The following RAB17 variants were observed in gnomAD, a reference collection of about 807,000 sequenced individuals.
RAB17 encodes ras-related protein Rab-17.
A neutral mutation model predicts 19.3 loss-of-function variants in RAB17; 15 were observed. The ratio of observed to expected loss-of-function variants is 0.78; its 90% CI spans 0.52 to 1.20. RAB17 has a LOEUF of 1.20. Ranked by LOEUF, RAB17 falls within the 50% of genes most tolerant of loss-of-function variation. The pLI, the probability that RAB17 is intolerant of heterozygous loss-of-function variation, is 0.00. For missense variants in RAB17, 262 were observed against 269.3 expected (o/e 0.97, Z 0.19); for synonymous variants, 110 against 112.8 (o/e 0.97, Z 0.16).
chr2:237,586,030 T>C lies in RAB17; in HGVS notation c.125A>G (p.Asn42Ser). 1.2e-6 allele frequency: 2 copies of C among 1,612,704 alleles called. No individual in the cohort carries two copies. The highest frequency in any genetic ancestry group is 4.5e-5 in the East Asian group (2 of 44,770). ...KSSLALRYVK[N>S]DFKSILPTVG... ...CGTAGGCAGGATACTCTTGAAGTCG[T>C]TCTTCACGTACCGAAGAGCCAAGCT... is the stretch of plus-strand genomic sequence containing the variant. The change falls in exon 2 of 6, where the codon AAC becomes AGC. Residue 42 changes from asparagine (N) to serine (S), a missense_variant. Coordinates refer to ENST00000264601, the MANE Select transcript of RAB17 (RefSeq NM_022449.4).
chr2:237,575,296 T>C, intron 5 of RAB17, 91 bp downstream of exon 5: 1 of 1,145,226 alleles, frequency 8.7e-7, no homozygotes, highest in Non-Finnish European at 1.3e-6. Context: ...AGACATTCTA[T>C]GGGATACCAC....
intron 2 of RAB17, among the ~76,000 whole-genome samples, chr2:237,584,604 T>A (rs1274194869): frequency 6.6e-6 from 1 of 152,158 alleles, no homozygotes; most frequent in Admixed American, 6.5e-5. Context: ...AGAGCCACAG[T>A]GTGCAGACCT....
At chr2:237,577,731 A>G in intron 3 of RAB17, 1 of 481,160 alleles carries the variant, frequency 2.1e-6, no homozygotes, top group East Asian at 3.4e-5. Context: ...AGTCTGGGGG[A>G]CTGGCCACCA....
At position 237,574,401 on chromosome 2, in the gene RAB17, G is replaced by A. The variant is rs1047791; in HGVS notation, c.*618C>T. ...CTTATATCTCAGGCGAAATGTCTCA[G>A]AATCTTCCTGCTCATTGGACAGAAA... On this transcript the variant is annotated 3_prime_UTR_variant, in exon 6 of 6. Coordinates refer to ENST00000264601, the MANE Select transcript of RAB17 (RefSeq NM_022449.4). 6 of 1,537,430 alleles carry A rather than the reference G, an allele frequency of 3.9e-6. No homozygotes were observed. The highest frequency in any genetic ancestry group is 5.3e-6 in the Non-Finnish European group (6 of 1,139,354).
At position 237,577,256 on chromosome 2, in the gene RAB17, C is replaced by T. The variant is rs1258564717; in HGVS notation, c.435+1G>A. The T allele has an allele frequency of 1.2e-6, 2 of 1,612,050 alleles. No homozygotes were observed. The highest frequency in any genetic ancestry group is 1.7e-5 in the Admixed American group (1 of 59,928). On this transcript the variant is annotated splice_donor_variant, in intron 4 of 5. Transcript: ENST00000264601. LOFTEE classifies it high-confidence loss of function. The stretch of plus-strand genomic sequence containing the variant: ...GCAGAGCAGGGTCTCCTGGGCGGTA[C>T]CTGGAAGGTCACCTCCCGCTCCTGG...
Position 237,577,189 on chromosome 2 carries a change from G to A in RAB17, c.435+68C>T, listed in dbSNP as rs2081271972. ...CGTGTATGAAAGTGTGAGTGCCAAG[G>A]TCTTGACACAGGCGGGCAGGGCTCT... On this transcript the variant is annotated intron_variant, in intron 4 of 5. Coordinates refer to ENST00000264601, the MANE Select transcript of RAB17 (RefSeq NM_022449.4). 1.9e-6 allele frequency: 3 copies of A among 1,552,198 alleles called. 1 individual carries two copies. The highest frequency in any genetic ancestry group is 2.4e-5 in the South Asian group (2 of 82,740).
At chr2:237,586,284 C>T (rs575856805) in intron 1 of RAB17, 127 bp from the exon 2 acceptor site, 18 of 839,864 alleles carry the variant, frequency 2.1e-5, no homozygotes, top group Middle Eastern at 7.5e-4. Flanking sequence ...AACTCAGAGG[C>T]CACCTAGGTC....
Position 237,575,141 on chromosome 2 carries a change from AGAG to A in RAB17, c.530-16_530-14del, listed in dbSNP as rs1360389876. ...AGTAGCTCTTGGGCTGTGAACAGCA[AGAG>A]GAGGGGGCTGGCTAGGGAGGGAAGT... On this transcript the variant is annotated splice_polypyrimidine_tract_variant and intron_variant, in intron 5 of 5. Coordinates refer to ENST00000264601, the MANE Select transcript of RAB17 (RefSeq NM_022449.4). 7 of 1,606,460 alleles carry A rather than the reference AGAG, an allele frequency of 4.4e-6. No individual in the cohort carries two copies. The African/African-American group carries it at 8.1e-5, about 18-fold the overall frequency.
chr2:237,579,957 A>G (rs1408582102), intron 2 of RAB17, among the ~76,000 whole-genome samples: 1 of 152,256 alleles, frequency 6.6e-6, no homozygotes, highest in African/African-American at 2.4e-5. Flanking sequence ...CAGTAGGACC[A>G]GTGATTTCCA....
At chr2:237,576,309 C>T (rs771177219) in intron 4 of RAB17, among the ~76,000 whole-genome samples, 7 of 152,198 alleles carry the variant, frequency 4.6e-5, no homozygotes, top group Non-Finnish European at 8.8e-5. Flanking sequence ...TCCAAACCCA[C>T]CCTGGCCGCC....
intron 2 of RAB17, among the ~76,000 whole-genome samples, chr2:237,582,053 C>T (rs891930443): frequency 2.0e-5 from 3 of 152,268 alleles, no homozygotes; most frequent in Non-Finnish European, 4.4e-5. Flanking sequence ...CAGGCCCTGG[C>T]GGGGGTGGGC....
chr2:237,576,794 AG>A (rs1249450234), intron 4 of RAB17: 2 of 463,518 alleles, frequency 4.3e-6, no homozygotes, highest in East Asian at 1.4e-4. Flanking sequence ...ACTCGAGTGA[AG>A]GAGGCTACAT....
chr2:237,589,301 C>T (rs2081374764), intron 1 of RAB17, among the ~76,000 whole-genome samples: 1 of 152,034 alleles, frequency 6.6e-6, no homozygotes, highest in African/African-American at 2.4e-5. Context: ...CCCCGTAATA[C>T]AACCACAAAT....
At chr2:237,590,253 C>T (rs577938912) in intron 1 of RAB17, among the ~76,000 whole-genome samples, 24 of 152,122 alleles carry the variant, frequency 1.6e-4, no homozygotes, top group Non-Finnish European at 3.1e-4. Flanking sequence ...CTTAGTGAGC[C>T]ATCAGAAATC....
rs140150815 is a variant in RAB17, at chr2:237,575,357, C to G, written c.529+30G>C. 53 of 1,562,700 alleles carry G rather than the reference C, an allele frequency of 3.4e-5. No individual in the cohort carries two copies. In the East Asian group the frequency reaches 1.2e-3, roughly 35 times the overall value. On this transcript the variant is annotated intron_variant, in intron 5 of 5. Transcript: ENST00000264601. ...AGTTGGTCAGGGACAAGCACCTCCCCCTTGTCTGGCCCACGGGGACGTGAC... is the reference window on the plus strand; with the variant it reads ...AGTTGGTCAGGGACAAGCACCTCCCGCTTGTCTGGCCCACGGGGACGTGAC...
intron 2 of RAB17, 58 bp downstream of exon 2, chr2:237,585,940 T>A: frequency 6.7e-7 from 1 of 1,493,738 alleles, no homozygotes; most frequent in Non-Finnish European, 9.0e-7. Context: ...CAGGTGTGGG[T>A]CAGCAGCCCA....
At chr2:237,581,895 CCAT>C (rs1380938404) in intron 2 of RAB17, among the ~76,000 whole-genome samples, 8 of 152,254 alleles carry the variant, frequency 5.3e-5, no homozygotes, top group Non-Finnish European at 1.5e-5. Context: ...CTAGATGTCA[CCAT>C]CCTTCCAAAA....
Position 237,574,919 on chromosome 2 carries a change from C to T in RAB17, c.*100G>A, listed in dbSNP as rs1347593425. The T allele has an allele frequency of 3.0e-6, 3 of 1,000,110 alleles. No homozygotes were observed. The highest frequency in any genetic ancestry group is 4.3e-6 in the Non-Finnish European group (3 of 703,770). The allele number at this position is 1,000,110 out of a possible 1,614,324, so 62.0% of individuals were successfully genotyped here. On this transcript the variant is annotated 3_prime_UTR_variant, in exon 6 of 6. Coordinates refer to ENST00000264601, the MANE Select transcript of RAB17 (RefSeq NM_022449.4). ...CCAACTTCCAGGAACATCTAGGGCTCGGGAGCAACCCAGCATTGACAGTGA... is the reference window on the plus strand; with the variant it reads ...CCAACTTCCAGGAACATCTAGGGCTTGGGAGCAACCCAGCATTGACAGTGA...
In RAB17 at chr2:237,585,986, G is replaced by A. The variant is rs1003769966; in HGVS notation, c.157+12C>T. 7 of 1,592,264 alleles carry A rather than the reference G, an allele frequency of 4.4e-6. No individual in the cohort carries two copies. In the Admixed American group the frequency reaches 1.0e-4, roughly 24 times the overall value. ...CTGAAGACCAACAAAGGGGTGCTCT[G>A]CCCTCACTTACAGCCCACCGTAGGC... On this transcript the variant is annotated intron_variant, in intron 2 of 5. Coordinates refer to ENST00000264601, the MANE Select transcript of RAB17 (RefSeq NM_022449.4).
Sources: gnomAD v4.1 joint callset for allele counts (sites outside exome capture counted in the v4.1 genomes callset) on GRCh38, gnomAD v4.1.1 for gene constraint, MANE v1.5 for transcripts, NCBI Gene and HGNC (gene_info 2026-07-23, HGNC 2026-07-21) for gene names.